The following IQSEC1 variants were observed in gnomAD, a reference collection of about 807,000 sequenced individuals.
IQSEC1 encodes the protein IQ motif and SEC7 domain-containing protein 1.
IQSEC1 carries 31 observed loss-of-function variants against 91.0 expected under a neutral mutation model. The observed-to-expected ratio is 0.34, with a 90% CI of 0.26 to 0.46. IQSEC1 has a LOEUF of 0.46. IQSEC1 is among the 20% of genes least tolerant of loss of function. The probability of loss-of-function intolerance (pLI) is 1.00; values close to 1 mark genes in which losing one functional copy is unlikely to be tolerated. For synonymous variants in IQSEC1, 699 were observed against 662.6 expected, an observed-to-expected ratio of 1.05 and a Z score of -0.84; for missense variants, 1,388 against 1,575.6, an observed-to-expected ratio of 0.88 and a Z score of 2.02.
chr3:13,136,054 A>G (rs942094785), intron 2 of IQSEC1, among the ~76,000 whole-genome samples: 1 of 152,176 alleles, frequency 6.6e-6, no homozygotes, highest in Admixed American at 6.5e-5. Flanking sequence ...TGTCCTGGCC[A>G]TGGGAGGCCC....
Position 13,193,160 on chromosome 3 carries a change from G to A in IQSEC1, c.273-29027C>T, listed in dbSNP as rs139073131. ...AGCACAGGATGCCCACCTGCCCGGG[G>A]CTCACACACAGAGCCTGCCCCATTC... On this transcript the variant is annotated intron_variant, in intron 1 of 15. Transcript: ENST00000648114. This position sits in a 1 kb window ranked among gnomAD's most constrained non-coding sequence, Gnocchi z 4.2. 0.03 allele frequency among the ~76,000 whole-genome samples: 4,532 copies of A among 152,282 alleles called. 110 individuals are homozygous for A. The highest frequency in any genetic ancestry group is 0.045 in the Non-Finnish European group (3,055 of 68,008).
At chr3:13,220,641 G>A (rs1694639650) in intron 1 of IQSEC1, among the ~76,000 whole-genome samples, 1 of 152,220 alleles carries the variant, frequency 6.6e-6, no homozygotes, top group African/African-American at 2.4e-5. Flanking sequence ...TCGCTGACTT[G>A]CTCCTCTGGT....
intron 2 of IQSEC1, among the ~76,000 whole-genome samples, chr3:13,110,258 T>G (rs1274333158): frequency 6.6e-6 from 1 of 152,146 alleles, no homozygotes; most frequent in Non-Finnish European, 1.5e-5. Flanking sequence ...AGTATTAGGC[T>G]ATCATTTTTA....
At chr3:12,958,163 C>T (rs1197005596) in intron 1 of IQSEC1, among the ~76,000 whole-genome samples, 1 of 152,216 alleles carries the variant, frequency 6.6e-6, no homozygotes, top group African/African-American at 2.4e-5. Flanking sequence ...GGACCTGGTG[C>T]AGGTGCTGCC....
At position 12,908,973 on chromosome 3, in the gene IQSEC1, G is replaced by T. The variant is rs577077889; in HGVS notation, c.2578+300C>A. ...GGTTGAGCCTGATGCAGAAGATGACGAGGTGCAGAGAGGCCAGCTGGGAAC... is the reference window on the plus strand; with the variant it reads ...GGTTGAGCCTGATGCAGAAGATGACTAGGTGCAGAGAGGCCAGCTGGGAAC... On this transcript the variant is annotated intron_variant, in intron 11 of 13. Coordinates refer to ENST00000613206, the MANE Select transcript of IQSEC1 (RefSeq NM_001134382.3). This position sits in a 1 kb window ranked among gnomAD's most constrained non-coding sequence, Gnocchi z 4.9. Among the ~76,000 whole-genome samples the T allele has an allele frequency of 6.6e-6, 1 of 152,250 alleles. No individual in the cohort carries two copies. The highest frequency in any genetic ancestry group is 2.4e-5 in the African/African-American group (1 of 41,542).
chr3:13,187,346 C>T (rs1190672754), intron 1 of IQSEC1, among the ~76,000 whole-genome samples: 2 of 152,196 alleles, frequency 1.3e-5, no homozygotes, highest in African/African-American at 4.8e-5. Context: ...GAGGGGTTGG[C>T]ACTCCCAGGA....
At chr3:13,096,875 T>TC (rs1225888234) in intron 2 of IQSEC1, among the ~76,000 whole-genome samples, 2 of 151,346 alleles carry the variant, frequency 1.3e-5, no homozygotes, top group African/African-American at 4.9e-5. Context: ...TTTTTTTTTT[T>TC]TTTGAAATGG....
intron 1 of IQSEC1, among the ~76,000 whole-genome samples, chr3:13,014,567 G>A (rs1703030042): frequency 6.6e-6 from 1 of 152,176 alleles, no homozygotes; most frequent in African/African-American, 2.4e-5. Flanking sequence ...CCAGTCCTAA[G>A]GAAAGGGCTA....
intron 1 of IQSEC1, among the ~76,000 whole-genome samples, chr3:13,273,040 A>G (rs1047909343): frequency 6.6e-6 from 1 of 152,224 alleles, no homozygotes; most frequent in African/African-American, 2.4e-5. Flanking sequence ...GCACAGTTAC[A>G]TACATCAAGG....
At chr3:12,903,635 G>A (rs1026923457) in intron 12 of IQSEC1, among the ~76,000 whole-genome samples, 4 of 152,228 alleles carry the variant, frequency 2.6e-5, no homozygotes, top group African/African-American at 4.8e-5. Flanking sequence ...CTCTGGGTGC[G>A]TAGGGCCCAG....
At chr3:13,026,753 C>T (rs1170734312) in intron 1 of IQSEC1, among the ~76,000 whole-genome samples, 2 of 152,146 alleles carry the variant, frequency 1.3e-5, no homozygotes, top group Non-Finnish European at 2.9e-5. Flanking sequence ...GATGACCTGT[C>T]TCTGCATCCC....
chr3:13,118,983 G>A (rs540627661), intron 2 of IQSEC1, among the ~76,000 whole-genome samples: 5 of 152,198 alleles, frequency 3.3e-5, no homozygotes, highest in African/African-American at 1.2e-4. Context: ...TGAGGCAGAG[G>A]AGAATTGCTT....
intron 1 of IQSEC1, among the ~76,000 whole-genome samples, chr3:13,218,231 G>A (rs1308958101): frequency 2.6e-5 from 4 of 152,226 alleles, no homozygotes; most frequent in Non-Finnish European, 5.9e-5. Flanking sequence ...TGCGAGGCCT[G>A]GGGCAAGGCA....
chr3:13,014,336 CT>C (rs1462104572), intron 1 of IQSEC1, among the ~76,000 whole-genome samples: 1 of 152,230 alleles, frequency 6.6e-6, no homozygotes, highest in Non-Finnish European at 1.5e-5. Flanking sequence ...GAAGGGAGGA[CT>C]TTCGCTATGG....
chr3:13,101,692 A>G (rs368169664), intron 2 of IQSEC1, among the ~76,000 whole-genome samples: 33 of 152,254 alleles, frequency 2.2e-4, no homozygotes, highest in African/African-American at 7.2e-4. Flanking sequence ...GGCTGTGTCC[A>G]GTATGATGTC....
In IQSEC1 at chr3:13,008,768, C is replaced by G. The variant is rs1404600103; in HGVS notation, c.23+64224G>C. Among the ~76,000 whole-genome samples the G allele has an allele frequency of 1.3e-5, 2 of 152,194 alleles. No individual in the cohort carries two copies. The highest frequency in any genetic ancestry group is 3.9e-4 in the East Asian group (2 of 5,194). ...TGGTCGAGTTACTGATAGAACAACGCTCTTGATCCGGCTCCAGGGCAGAAA... is the reference window on the plus strand; with the variant it reads ...TGGTCGAGTTACTGATAGAACAACGGTCTTGATCCGGCTCCAGGGCAGAAA... On this transcript the variant is annotated intron_variant, in intron 1 of 13. Coordinates refer to ENST00000613206, the MANE Select transcript of IQSEC1 (RefSeq NM_001134382.3). The surrounding 1 kb of genome is among the most constrained non-coding windows in gnomAD (Gnocchi z 4.1).
intron 1 of IQSEC1, among the ~76,000 whole-genome samples, chr3:12,947,384 CCTGT>C (rs1699252804): frequency 1.3e-5 from 2 of 152,110 alleles, no homozygotes; most frequent in African/African-American, 4.8e-5. Flanking sequence ...GGCCATATGA[CCTGT>C]CTGAGTCTGC....
chr3:13,243,420 C>A (rs1559284923), intron 1 of IQSEC1, among the ~76,000 whole-genome samples: 1 of 152,176 alleles, frequency 6.6e-6, no homozygotes. Flanking sequence ...GCTGCCTTTG[C>A]CAGAGCCAGC....
chr3:12,927,400 G>A (rs1383764066), intron 3 of IQSEC1, among the ~76,000 whole-genome samples: 1 of 135,704 alleles, frequency 7.4e-6, no homozygotes, highest in Non-Finnish European at 1.6e-5. Context: ...TCCCCACACA[G>A]GTGCATGCTC....
Sources: gnomAD v4.1 joint callset for allele counts (sites outside exome capture counted in the v4.1 genomes callset) on GRCh38, gnomAD v4.1.1 for gene constraint, Gnocchi (gnomAD v3.1) non-coding constraint, MANE v1.5 for transcripts, NCBI Gene and HGNC (gene_info 2026-07-23, HGNC 2026-07-21) for gene names.